Variants in DENND2D observed in about 807,000 individuals in gnomAD.
DENND2D encodes DENN domain containing 2D.
Under a neutral mutation model 59.8 loss-of-function variants are expected in DENND2D, and 37 were observed. The observed-to-expected ratio is 0.62, with a 90% CI of 0.48 to 0.81. The LOEUF is 0.81. DENND2D is among the 40% of genes least tolerant of loss of function. The pLI is 0.00. For synonymous variants in DENND2D, 219 were observed against 211.3 expected (o/e 1.04, Z -0.31); for missense variants, 525 against 579.7 (o/e 0.91, Z 0.97).
In DENND2D at chr1:111,192,427, G is replaced by A; in HGVS notation, c.795-110C>T. On this transcript the variant is annotated intron_variant, in intron 7 of 11. Transcript: ENST00000357640. ...CTAGAGCAGTGCTGCCCATGCCCAT[G>A]GGCAGAAAGGCAAGTCTGGGGGCCA... The A allele has an allele frequency of 6.7e-6, 8 of 1,189,942 alleles. No homozygotes were observed. The South Asian group carries it at 1.9e-4, about 29-fold the overall frequency. The allele number at this position is 1,189,942 out of a possible 1,614,324, so 73.7% of individuals were successfully genotyped here.
At chr1:111,198,815 G>T in intron 2 of DENND2D, 73 bp from the exon 3 acceptor site, 1 of 1,518,216 alleles carries the variant, frequency 6.6e-7, no homozygotes, top group Non-Finnish European at 9.1e-7. Context: ...TTCAGAGCTG[G>T]TGGGCTTCCT....
chr1:111,196,263 A>G, intron 5 of DENND2D: 1 of 510,762 alleles, frequency 2.0e-6, no homozygotes, highest in Non-Finnish European at 3.4e-6. Context: ...TATCTCCCAC[A>G]TAAGACCTGC....
chr1:111,203,294 T>C (rs558555921), upstream of DENND2D, among the ~76,000 whole-genome samples: 2 of 152,328 alleles, frequency 1.3e-5, no homozygotes, highest in East Asian at 3.9e-4. Flanking sequence ...CTGACCTCAC[T>C]CCCTGAGGTC....
chr1:111,189,344 C>T, intron 8 of DENND2D, 91 bp from the exon 9 acceptor site: 1 of 1,392,946 alleles, frequency 7.2e-7, no homozygotes, highest in South Asian at 1.2e-5. Flanking sequence ...GTGGCTGTAT[C>T]TTTCAGCCCA....
Position 111,199,760 on chromosome 1 carries a change from G to A in DENND2D, c.106C>T (p.Pro36Ser), listed in dbSNP as rs763345567. Residue 36 changes from proline (P) to serine (S), a missense_variant, in exon 2 of 12, where the codon CCA (proline) becomes TCA (serine). Coordinates refer to ENST00000357640, the MANE Select transcript of DENND2D (RefSeq NM_024901.5). ...QDNSGEALKE[P>S]ERAQEHSLPN... is the part of the protein sequence containing the mutation. ...AAAGAGTGCTCCTGGGCCCTTTCTG[G>A]TTCCTTTAAAGCTTCCCCTGAATTG... 3.7e-6 allele frequency: 6 copies of A among 1,614,096 alleles called. No individual in the cohort carries two copies. The highest frequency in any genetic ancestry group is 4.2e-6 in the Non-Finnish European group (5 of 1,180,012).
chr1:111,187,798 G>T (rs1311584600), intron 11 of DENND2D, 117 bp from the exon 12 acceptor site: 2 of 870,042 alleles, frequency 2.3e-6, no homozygotes, highest in Non-Finnish European at 3.6e-6. Flanking sequence ...TCCCTGCCAG[G>T]ATGTCTCTGG....
chr1:111,188,519 G>C, intron 10 of DENND2D, 149 bp from the exon 11 acceptor site: 1 of 1,311,062 alleles, frequency 7.6e-7, no homozygotes, highest in Non-Finnish European at 1.1e-6. Flanking sequence ...TGGGAATCTG[G>C]GTATGAGTTC....
chr1:111,200,662 G>A (rs765479842), upstream of DENND2D: 90 of 1,353,072 alleles, frequency 6.7e-5, no homozygotes, highest in Admixed American at 7.9e-5. Context: ...GACCCAGGAA[G>A]GCAGCAGAAG....
intron 1 of DENND2D, 30 bp from the exon 2 acceptor site, chr1:111,199,828 A>C (rs1658623149): frequency 6.2e-7 from 1 of 1,600,726 alleles, no homozygotes; most frequent in Non-Finnish European, 8.5e-7. Context: ...CATTTAGTAT[A>C]ATCTCATTGA....
chr1:111,187,491 C>CA lies in DENND2D; in HGVS notation c.*113dup. 1.3e-6 allele frequency: 1 copy of CA among 796,188 alleles called. No individual in the cohort carries two copies. The highest frequency in any genetic ancestry group is 2.1e-6 in the Non-Finnish European group (1 of 471,546). 49.3% of individuals were successfully genotyped at this position (796,188 alleles called of 1,614,324 possible). A position where few individuals can be genotyped will look rare whatever the true frequency, so the allele number is the denominator to read the frequency against. ...GAAGCAATACCTGGATACCAAGACT[C>CA]AGAGTGAGGATATGGATTTTGGGAG... On this transcript the variant is annotated 3_prime_UTR_variant, in exon 12 of 12. Coordinates refer to ENST00000357640, the MANE Select transcript of DENND2D (RefSeq NM_024901.5).
intron 7 of DENND2D, among the ~76,000 whole-genome samples, chr1:111,192,862 C>A (rs971553343): frequency 6.6e-6 from 1 of 152,182 alleles, no homozygotes; most frequent in Admixed American, 6.5e-5. Context: ...CCCACACAGC[C>A]CCCTCTGGGC....
Position 111,186,425 on chromosome 1 carries a change from T to C in DENND2D, c.*1180A>G, listed in dbSNP as rs1388602670. 1.3e-5 allele frequency among the ~76,000 whole-genome samples: 2 copies of C among 152,356 alleles called. No individual in the cohort carries two copies. Among genetic ancestry groups the C allele is most frequent in the South Asian group, 2.1e-4 (1 of 4,828 alleles). On this transcript the variant is annotated 3_prime_UTR_variant, in exon 12 of 12. Coordinates refer to ENST00000357640, the MANE Select transcript of DENND2D (RefSeq NM_024901.5). ...CTCCCAAAAGCAAATTACATTGGCT[T>C]GAACTTCAGTATGCCCGGTTCCACC... is the stretch of plus-strand genomic sequence containing the variant.
intron 4 of DENND2D, 151 bp downstream of exon 4, chr1:111,197,767 GGA>G: frequency 3.5e-6 from 5 of 1,446,896 alleles, no homozygotes; most frequent in Non-Finnish European, 4.5e-6. Flanking sequence ...GGCTGCAGAG[GGA>G]GCACTAGCAT....
chr1:111,192,320 G>A lies in DENND2D; in HGVS notation c.795-3C>T, dbSNP rs755448925. 24 of 1,593,238 alleles carry A rather than the reference G, an allele frequency of 1.5e-5. No individual in the cohort carries two copies. The African/African-American group carries it at 1.6e-4, about 11-fold the overall frequency. ...CATGGATGCACTGAGACAAGGTGCT[G>A]GGACAGAGCACAGAGGATGAGAGTC... On this transcript the variant is annotated splice_region_variant and splice_polypyrimidine_tract_variant and intron_variant, in intron 7 of 11. Coordinates refer to ENST00000357640, the MANE Select transcript of DENND2D (RefSeq NM_024901.5).
chr1:111,193,421 T>C (rs1326550420), intron 7 of DENND2D, among the ~76,000 whole-genome samples: 1 of 152,192 alleles, frequency 6.6e-6, no homozygotes, highest in Non-Finnish European at 1.5e-5. Flanking sequence ...ATCCCAGCTC[T>C]AGCCACACAG....
In DENND2D at chr1:111,186,253, A is replaced by G. The variant is rs767609633; in HGVS notation, c.*1352T>C. Among the ~76,000 whole-genome samples, 4 of 152,118 alleles carry G rather than the reference A, an allele frequency of 2.6e-5. No homozygotes were observed. Among genetic ancestry groups the G allele is most frequent in the Non-Finnish European group, 5.9e-5 (4 of 68,024 alleles). On this transcript the variant is annotated 3_prime_UTR_variant, in exon 12 of 12. Coordinates refer to ENST00000357640, the MANE Select transcript of DENND2D (RefSeq NM_024901.5). ...CTCAGGATTCCAGTTCCTGTTCTGA[A>G]ACCTTTGGAGGTACAACTATATTTA...
intron 1 of DENND2D, chr1:111,200,179 G>T: frequency 1.6e-6 from 1 of 625,200 alleles, no homozygotes; most frequent in Non-Finnish European, 2.8e-6. Context: ...ATAAGAACAG[G>T]CTCAAAGGGC....
chr1:111,203,138 A>G (rs1332350447), upstream of DENND2D, among the ~76,000 whole-genome samples: 1 of 152,184 alleles, frequency 6.6e-6, no homozygotes, highest in Non-Finnish European at 1.5e-5. Context: ...CCTCTCCCTG[A>G]TGGTGCAGAT....
intron 8 of DENND2D, among the ~76,000 whole-genome samples, chr1:111,189,691 C>T (rs1189370021): frequency 6.6e-6 from 1 of 152,232 alleles, no homozygotes; most frequent in Admixed American, 6.5e-5. Context: ...CCCAAAGAAG[C>T]TGCCCGAGGT....
Sources: gnomAD v4.1 joint callset for allele counts (sites outside exome capture counted in the v4.1 genomes callset) on GRCh38, gnomAD v4.1.1 for gene constraint, MANE v1.5 for transcripts, NCBI Gene and HGNC (gene_info 2026-07-23, HGNC 2026-07-21) for gene names.